The following MUC6 variants were observed in gnomAD, a reference collection of about 807,000 sequenced individuals.
The protein encoded by MUC6 is mucin 6, oligomeric mucus/gel-forming (gene/pseudogene).
A neutral mutation model predicts 201.5 loss-of-function variants in MUC6; 188 were observed. The observed-to-expected ratio is 0.93, with a 90% CI of 0.83 to 1.05. The LOEUF (loss-of-function observed/expected upper bound fraction) is 1.05. MUC6 is among the 50% of genes least tolerant of loss of function. The probability of loss-of-function intolerance (pLI) is 0.00; values close to 1 mark genes in which losing one functional copy is unlikely to be tolerated. For synonymous variants in MUC6, 1,228 were observed against 1,389.4 expected (o/e 0.88, Z 2.58); for missense variants, 2,706 against 3,256.9 (o/e 0.83, Z 4.12).
rs1047672746 is a variant in MUC6, at chr11:1,020,584, GC to G, written c.3640+99del. 6 of 1,516,250 alleles carry G rather than the reference GC, an allele frequency of 4.0e-6. No homozygotes were observed. In the African/African-American group the frequency reaches 8.2e-5, roughly 21 times the overall value. The allele number at this position is 1,516,250 out of a possible 1,614,324, so 93.9% of individuals were successfully genotyped here. A position where few individuals can be genotyped will look rare whatever the true frequency, so the allele number is the denominator to read the frequency against. ...CCTGAGAAGGGCACAGGTACTGCCT[GC>G]CCCCTCCCTGCTTCCCACCCGACAG... On this transcript the variant is annotated intron_variant, in intron 28 of 32. Coordinates refer to ENST00000421673, the MANE Select transcript of MUC6 (RefSeq NM_005961.3).
chr11:1,024,957 C>T lies in MUC6; in HGVS notation c.3112G>A (p.Gly1038Arg), dbSNP rs772113916. The change falls in exon 24 of 33, where the codon GGG (glycine) becomes AGG (arginine). Residue 1038 changes from glycine to arginine, a missense_variant. Coordinates refer to ENST00000421673, the MANE Select transcript of MUC6 (RefSeq NM_005961.3). The part of the protein sequence containing the change: ...VNSWKESPLC[G>R]DVSFVTDPCS... ...GGGTCTGTCACGAAGCTCACGTCCCCGCACAGCGGGCTCTCCTTCCACGAG... is the reference window on the plus strand; with the variant it reads ...GGGTCTGTCACGAAGCTCACGTCCCTGCACAGCGGGCTCTCCTTCCACGAG... The T allele has an allele frequency of 1.3e-5, 21 of 1,612,958 alleles. No individual in the cohort carries two copies. The Admixed American group carries it at 2.2e-4, about 17-fold the overall frequency.
At position 1,027,986 on chromosome 11, in the gene MUC6, C is replaced by A; in HGVS notation, c.1827G>T (p.Val609=). 1 of 1,581,300 alleles carries A rather than the reference C, an allele frequency of 6.3e-7. No individual in the cohort carries two copies. The highest frequency in any genetic ancestry group is 8.6e-7 in the Non-Finnish European group (1 of 1,163,994). The change falls in exon 15 of 33, where the codon GTG becomes GTT. Residue 609 remains valine (V), a synonymous_variant. Coordinates refer to ENST00000421673, the MANE Select transcript of MUC6 (RefSeq NM_005961.3). ...TCACCTTGTAGAAGGGTGCAGGGTT[C>A]ACTGTGGCGTGGCACCTCTCGAACA... ...GTVFERCHAT[V]NPAPFYKRCV...
Position 1,017,571 on chromosome 11 carries a change from TGGCCG to T in MUC6, c.5225_5229del (p.Thr1742LysfsTer17). The T allele has an allele frequency of 1.4e-6, 2 of 1,414,282 alleles. No individual in the cohort carries two copies. The highest frequency in any genetic ancestry group is 9.5e-7 in the Non-Finnish European group (1 of 1,056,684). The allele number at this position is 1,414,282 out of a possible 1,614,324, so 87.6% of individuals were successfully genotyped here. ...TGTGAATGTAGGGATGTAGAGGTTT[TGGCCG>T]TGCTAAATGAGCTTCGGGATTGGCT... On this transcript the variant is annotated frameshift_variant, in exon 31 of 33. Transcript: ENST00000421673. LOFTEE classifies it high-confidence loss of function.
chr11:1,024,798 A>G lies in MUC6; in HGVS notation c.3225+46T>C, dbSNP rs80139483. ...CCGCCCCTTCCCCCGCCCCCACCGG[A>G]CATTTGTGGAGGGGCAGGCGCACAG... On this transcript the variant is annotated intron_variant, in intron 24 of 32. Coordinates refer to ENST00000421673, the MANE Select transcript of MUC6 (RefSeq NM_005961.3). 296 of 1,313,154 alleles carry G rather than the reference A, an allele frequency of 2.3e-4. 3 individuals carry two copies. The East Asian group carries it at 8.6e-3, about 38-fold the overall frequency. The allele number at this position is 1,313,154 out of a possible 1,614,324, so 81.3% of individuals were successfully genotyped here.
chr11:1,023,470 C>G, intron 26 of MUC6, 39 bp downstream of exon 26: 1 of 1,547,562 alleles, frequency 6.5e-7, no homozygotes, highest in Non-Finnish European at 8.7e-7. Context: ...GTGAATGGGT[C>G]CCCCTGTGTA....
chr11:1,029,034 G>GA lies in MUC6; in HGVS notation c.1380+11dup. 1 of 1,612,820 alleles carries GA rather than the reference G, an allele frequency of 6.2e-7. No homozygotes were observed. The highest frequency in any genetic ancestry group is 8.5e-7 in the Non-Finnish European group (1 of 1,179,766). On this transcript the variant is annotated intron_variant, in intron 11 of 32. Coordinates refer to ENST00000421673, the MANE Select transcript of MUC6 (RefSeq NM_005961.3). ...GCCCTGCTGGCAGGGATGGGCGCAG[G>GA]AAAGGCCTTACCTGCCTGGAGAGGT...
Position 1,030,423 on chromosome 11 carries a change from C to A in MUC6, c.893-88G>T, listed in dbSNP as rs1857074589. 20 of 1,447,154 alleles carry A rather than the reference C, an allele frequency of 1.4e-5. No individual in the cohort carries two copies. The East Asian group carries it at 4.5e-4, about 32-fold the overall frequency. The allele number at this position is 1,447,154 out of a possible 1,614,324, so 89.6% of individuals were successfully genotyped here. A position where few individuals can be genotyped will look rare whatever the true frequency, so the allele number is the denominator to read the frequency against. On this transcript the variant is annotated intron_variant, in intron 7 of 32. Coordinates refer to ENST00000421673, the MANE Select transcript of MUC6 (RefSeq NM_005961.3). ...CAGCTTGATGGAGGACTTAGCCCAG[C>A]CCTTCCTCCATCTAGAAGCAGCAGC...
At position 1,025,804 on chromosome 11, in the gene MUC6, C is replaced by A; in HGVS notation, c.2799+1G>T. The A allele has an allele frequency of 6.2e-7, 1 of 1,610,862 alleles. No homozygotes were observed. The highest frequency in any genetic ancestry group is 8.5e-7 in the Non-Finnish European group (1 of 1,179,110). ...CTGCCAGAGTCTGCCCGGCTGCTCACCCCCAGGAAGATCTTGATGGCCCGT... is the reference window on the plus strand; with the variant it reads ...CTGCCAGAGTCTGCCCGGCTGCTCAACCCCAGGAAGATCTTGATGGCCCGT... On this transcript the variant is annotated splice_donor_variant, in intron 22 of 32. Coordinates refer to ENST00000421673, the MANE Select transcript of MUC6 (RefSeq NM_005961.3). LOFTEE classifies it high-confidence loss of function.
chr11:1,030,263 G>A lies in MUC6; in HGVS notation c.965C>T (p.Pro322Leu), dbSNP rs373800026. ...GCAGGAGCTGGAGCAGCTGTGCTGC[G>A]GGTTGGAGCAGGTCTTCACGCAGGC... ...GSACVKTCSN[P>L]QHSCSSSCTF... is the part of the protein sequence containing the mutation. Residue 322 changes from proline (P) to leucine (L), a missense_variant, in exon 8 of 33, where the codon CCG becomes CTG. Pro to Leu is a moderately conservative substitution (Grantham distance 98). Around this residue, in one of 10 missense-constraint regions of MUC6, gnomAD observed 1,850 missense variants for 1,958.3 expected, o/e 0.94. Coordinates refer to ENST00000421673, the MANE Select transcript of MUC6 (RefSeq NM_005961.3). The A allele has an allele frequency of 3.9e-6, 6 of 1,550,332 alleles. No individual in the cohort carries two copies. The highest frequency in any genetic ancestry group is 1.2e-5 in the South Asian group (1 of 84,046).
intron 24 of MUC6, among the ~76,000 whole-genome samples, chr11:1,024,312 G>A (rs1464079249): frequency 1.3e-5 from 2 of 152,204 alleles, no homozygotes; most frequent in Admixed American, 6.5e-5. Context: ...CCGAGCTCAC[G>A]CCTTGAGACC....
At chr11:1,024,555 AG>A (rs1329919474) in intron 24 of MUC6, among the ~76,000 whole-genome samples, 3 of 152,164 alleles carry the variant, frequency 2.0e-5, no homozygotes, top group African/African-American at 4.8e-5. Context: ...GCTCCTGAGC[AG>A]GGGGCCCACC....
chr11:1,032,411 C>A (rs1857128757), intron 2 of MUC6, among the ~76,000 whole-genome samples: 1 of 151,180 alleles, frequency 6.6e-6, no homozygotes, highest in African/African-American at 2.4e-5. Flanking sequence ...GAGATATACA[C>A]CTGCATGTGT....
chr11:1,020,164 G>A lies in MUC6; in HGVS notation c.3734C>T (p.Thr1245Ile), dbSNP rs1204003803. Residue 1245 changes from threonine to isoleucine, a missense_variant, in exon 29 of 33, where the codon ACC becomes ATC. Thr to Ile is a moderately conservative substitution (Grantham distance 89). This residue lies in a region of MUC6 where 1,850 missense variants were observed against 1,958.3 expected (regional missense o/e 0.94). Coordinates refer to ENST00000421673, the MANE Select transcript of MUC6 (RefSeq NM_005961.3). ...GGGTGTCTGGGTGGGGCTGGCAGGGGTGTGATTAGAGCTGGGTGAGGGTCC... is the reference window on the plus strand; with the variant it reads ...GGGTGTCTGGGTGGGGCTGGCAGGGATGTGATTAGAGCTGGGTGAGGGTCC... ...STGPSPSSNH[T>I]PASPTQTPLL... 9 of 1,612,960 alleles carry A rather than the reference G, an allele frequency of 5.6e-6. No homozygotes were observed. The African/African-American group carries it at 9.3e-5, about 17-fold the overall frequency.
At position 1,028,395 on chromosome 11, in the gene MUC6, G is replaced by C. The variant is rs374015945; in HGVS notation, c.1592-8C>G. 83 of 1,610,630 alleles carry C rather than the reference G, an allele frequency of 5.2e-5. No homozygotes were observed. Among genetic ancestry groups the C allele is most frequent in the Non-Finnish European group, 6.9e-5 (81 of 1,179,420 alleles). On this transcript the variant is annotated splice_region_variant and splice_polypyrimidine_tract_variant and intron_variant, in intron 13 of 32. Transcript: ENST00000421673. ...TGAAGTTGCCGCAGAGCCCTGAGCC[G>C]GCGGGGCGTGAGCTCGACTTGAACC... is the stretch of plus-strand genomic sequence containing the variant.
chr11:1,016,556 G>GT lies in MUC6; in HGVS notation c.6244dup (p.Thr2082AsnfsTer18). ...GGAGGATATGAAGGAAGAAGAGGCT[G>GT]TAGCTGTGCTGAATGAGCTGTGGGT... On this transcript the variant is annotated frameshift_variant, in exon 31 of 33. Transcript: ENST00000421673. LOFTEE classifies it high-confidence loss of function. The GT allele has an allele frequency of 1.3e-6, 1 of 795,886 alleles. No homozygotes were observed. The highest frequency in any genetic ancestry group is 1.6e-6 in the Non-Finnish European group (1 of 620,402). The allele number at this position is 795,886 out of a possible 1,614,324, so 49.3% of individuals were successfully genotyped here.
In MUC6 at chr11:1,013,557, C is replaced by T. The variant is rs928922780; in HGVS notation, c.7219G>A (p.Glu2407Lys). 5.1e-6 allele frequency: 8 copies of T among 1,574,202 alleles called. No individual in the cohort carries two copies. Among genetic ancestry groups the T allele is most frequent in the Non-Finnish European group, 4.3e-6 (5 of 1,161,738 alleles). The change falls in exon 33 of 33, where the codon GAG becomes AAG. Residue 2407 changes from glutamate to lysine, a missense_variant. Glu to Lys is a moderately conservative substitution (Grantham distance 56). This residue lies in a region of MUC6 where 586 missense variants were observed against 488.0 expected (regional missense o/e 1.20). Coordinates refer to ENST00000421673, the MANE Select transcript of MUC6 (RefSeq NM_005961.3). ...RPLHSYEQQL[E>K]LPCPDPSTPG... ...GTGCTGGGATCGGGGCAGGGCAGCT[C>T]CAGCTGCTGCTCATAGGAGTGGAGG...
At chr11:1,035,232 C>T (rs970821759) in intron 1 of MUC6, among the ~76,000 whole-genome samples, 1 of 152,344 alleles carries the variant, frequency 6.6e-6, no homozygotes, top group East Asian at 1.9e-4. Flanking sequence ...GGTGGACACC[C>T]CCACTTGGCC....
rs1409448166 is a variant in MUC6 at position 1,031,017 on chromosome 11, T to C, written c.614A>G (p.Lys205Arg). The C allele has an allele frequency of 2.6e-5, 41 of 1,580,958 alleles. No homozygotes were observed. The highest frequency in any genetic ancestry group is 3.4e-5 in the Non-Finnish European group (40 of 1,165,350). ...LEPHKFAALQ[K>R]LDDPGEICTF... ...GCAGATCTCGCCGGGGTCGTCCAGC[T>C]TCTGGAGGGCAGCAAACTTGTGGGG... is the stretch of plus-strand genomic sequence containing the variant. The change falls in exon 6 of 33, where the codon AAG becomes AGG. Residue 205 changes from lysine (K) to arginine (R), a missense_variant. Around this residue, in one of 10 missense-constraint regions of MUC6, gnomAD observed 1,850 missense variants for 1,958.3 expected, o/e 0.94. Coordinates refer to ENST00000421673, the MANE Select transcript of MUC6 (RefSeq NM_005961.3).
At chr11:1,015,216 C>T (rs1245370589) in intron 31 of MUC6, among the ~76,000 whole-genome samples, 6 of 50 alleles carry the variant, frequency 0.12, no homozygotes, top group East Asian at 0.25. Flanking sequence ...AGGCATGGGC[C>T]GGGAAGAGAC....
Sources: allele counts gnomAD v4.1 joint callset (sites outside exome capture counted in the v4.1 genomes callset), GRCh38; gene constraint gnomAD v4.1.1; regional missense constraint gnomAD v4.1.1; transcripts MANE v1.5; gene names NCBI Gene and HGNC (gene_info 2026-07-23, HGNC 2026-07-21).